TACR3: variants seen among roughly 807,000 people sequenced by gnomAD.
TACR3 encodes the protein tachykinin receptor 3, also known as neuromedin-K receptor.
A neutral mutation model predicts 35.0 loss-of-function variants in TACR3; 34 were observed. The ratio of observed to expected loss-of-function variants is 0.97; its 90% confidence interval spans 0.74 to 1.30. The LOEUF is 1.30. Among genes scored for constraint, TACR3 ranks in the 50% most tolerant of loss-of-function variants. TACR3 has a pLI of 0.00. For synonymous variants in TACR3, 233 were observed against 221.1 expected (o/e 1.05, Z -0.48); for missense variants, 558 against 591.7 (o/e 0.94, Z 0.59).
At chr4:103,615,611 TGTG>T (rs1365993575) in intron 3 of TACR3, among the ~76,000 whole-genome samples, 1 of 152,170 alleles carries the variant, frequency 6.6e-6, no homozygotes, top group Non-Finnish European at 1.5e-5. Context: ...AAAAAACTAT[TGTG>T]ATGATTACCA....
At chr4:103,716,472 G>A (rs758312904) in intron 1 of TACR3, among the ~76,000 whole-genome samples, 4 of 152,180 alleles carry the variant, frequency 2.6e-5, no homozygotes, top group Non-Finnish European at 5.9e-5. Context: ...TATTTAAATC[G>A]TGAAAATAGA....
At chr4:103,660,503 G>C (rs1372839087) in intron 1 of TACR3, among the ~76,000 whole-genome samples, 1 of 151,468 alleles carries the variant, frequency 6.6e-6, no homozygotes, top group East Asian at 1.9e-4. Flanking sequence ...CATGTTAAAA[G>C]GATAGATCCC....
At chr4:103,600,476 C>T (rs554955193) in intron 3 of TACR3, among the ~76,000 whole-genome samples, 2 of 152,050 alleles carry the variant, frequency 1.3e-5, no homozygotes, top group Non-Finnish European at 2.9e-5. Flanking sequence ...CTGCTCTGAT[C>T]TTAGTTATTT....
At chr4:103,626,429 T>G (rs142079173) in intron 3 of TACR3, among the ~76,000 whole-genome samples, 115 of 152,196 alleles carry the variant, frequency 7.6e-4, no homozygotes, top group African/African-American at 2.5e-3. Flanking sequence ...TATTTTTTTT[T>G]GACGAATTTT....
At chr4:103,601,484 T>C (rs1048285217) in intron 3 of TACR3, among the ~76,000 whole-genome samples, 1 of 152,204 alleles carries the variant, frequency 6.6e-6, no homozygotes, top group African/African-American at 2.4e-5. Flanking sequence ...CTAGCCTTGA[T>C]GGTCTTTGCA....
At chr4:103,642,725 A>G (rs1163004000) in intron 3 of TACR3, among the ~76,000 whole-genome samples, 1 of 151,814 alleles carries the variant, frequency 6.6e-6, no homozygotes, top group Non-Finnish European at 1.5e-5. Flanking sequence ...AGATATAAGG[A>G]ATACATTCCA....
chr4:103,656,629 G>A (rs1272288292), intron 2 of TACR3, among the ~76,000 whole-genome samples: 1 of 152,044 alleles, frequency 6.6e-6, no homozygotes. Flanking sequence ...AGGTTGAGGA[G>A]GAACGACTTT....
intron 3 of TACR3, among the ~76,000 whole-genome samples, chr4:103,627,486 G>A (rs545860825): frequency 1.2e-4 from 18 of 151,528 alleles, no homozygotes; most frequent in African/African-American, 3.1e-4. Flanking sequence ...ACTGCTCCAC[G>A]GCACTCCAGC....
intron 3 of TACR3, among the ~76,000 whole-genome samples, chr4:103,638,845 A>G (rs1251532524): frequency 3.3e-5 from 5 of 152,200 alleles, no homozygotes; most frequent in African/African-American, 1.2e-4. Context: ...AAAAATGCTC[A>G]TCATCACTGG....
intron 3 of TACR3, among the ~76,000 whole-genome samples, chr4:103,622,434 A>C (rs1312218599): frequency 6.6e-6 from 1 of 152,170 alleles, no homozygotes; most frequent in African/African-American, 2.4e-5. Context: ...ACATGAAAAG[A>C]TAGAAATCAG....
intron 1 of TACR3, among the ~76,000 whole-genome samples, chr4:103,695,574 G>A (rs1722503884): frequency 6.6e-6 from 1 of 151,966 alleles, no homozygotes; most frequent in Non-Finnish European, 1.5e-5. Context: ...TATATTATTA[G>A]TAAGGCTTCC....
intron 3 of TACR3, among the ~76,000 whole-genome samples, chr4:103,600,070 G>T (rs1288098092): frequency 6.6e-6 from 1 of 152,086 alleles, no homozygotes. Flanking sequence ...ATTCGGCTGT[G>T]AATCCATCTG....
chr4:103,693,202 T>C (rs1316691023), intron 1 of TACR3, among the ~76,000 whole-genome samples: 1 of 152,166 alleles, frequency 6.6e-6, no homozygotes, highest in Admixed American at 6.6e-5. Flanking sequence ...CTGTATGTCC[T>C]TTTGCATATC....
intron 3 of TACR3, among the ~76,000 whole-genome samples, chr4:103,655,243 CTGAT>C (rs1436583200): frequency 6.6e-6 from 1 of 151,952 alleles, no homozygotes; most frequent in Admixed American, 6.6e-5. Context: ...TTTTTAAAAC[CTGAT>C]TGATCACTGT....
At chr4:103,679,829 G>C (rs1275483526) in intron 1 of TACR3, among the ~76,000 whole-genome samples, 1 of 151,474 alleles carries the variant, frequency 6.6e-6, no homozygotes, top group African/African-American at 2.4e-5. Flanking sequence ...ATAAAAGATT[G>C]GATATCAATT....
chr4:103,697,251 T>A (rs1722540169), intron 1 of TACR3, among the ~76,000 whole-genome samples: 1 of 152,156 alleles, frequency 6.6e-6, no homozygotes, highest in African/African-American at 2.4e-5. Context: ...TGTTAATCTG[T>A]TATTTGTAGA....
At chr4:103,648,087 G>A (rs935414523) in intron 3 of TACR3, among the ~76,000 whole-genome samples, 2 of 151,874 alleles carry the variant, frequency 1.3e-5, no homozygotes, top group African/African-American at 4.8e-5. Flanking sequence ...CTCGTGACTA[G>A]CCTAAAATTT....
intron 1 of TACR3, among the ~76,000 whole-genome samples, chr4:103,716,056 G>A (rs1723082946): frequency 6.6e-6 from 1 of 152,120 alleles, no homozygotes; most frequent in African/African-American, 2.4e-5. Context: ...TGGCCCTGGA[G>A]CTAACTGCAG....
At chr4:103,633,062 C>CTG (rs1553969948) in intron 3 of TACR3, among the ~76,000 whole-genome samples, 1 of 151,614 alleles carries the variant, frequency 6.6e-6, no homozygotes, top group Non-Finnish European at 1.5e-5. Flanking sequence ...TTTTGTCCCT[C>CTG]TTACTGACAT....
Sources: gnomAD v4.1 joint callset for allele counts (sites outside exome capture counted in the v4.1 genomes callset) on GRCh38, gnomAD v4.1.1 for gene constraint, MANE v1.5 for transcripts, NCBI Gene and HGNC (gene_info 2026-07-23, HGNC 2026-07-21) for gene names.